CNOT6L: variants seen among roughly 807,000 people sequenced by gnomAD.
CNOT6L encodes CCR4-NOT transcription complex subunit 6 like.
Under a neutral mutation model 64.0 loss-of-function variants are expected in CNOT6L, and 7 were observed. The observed-to-expected ratio is 0.11, with a 90% confidence interval of 0.06 to 0.21. The LOEUF is 0.21. Among genes scored for constraint, CNOT6L ranks in the 10% least tolerant of loss-of-function variants. The pLI is 1.00. For synonymous variants in CNOT6L, 193 were observed against 243.4 expected, an observed-to-expected ratio of 0.79 and a Z score of 1.93; for missense variants, 245 against 669.0, an observed-to-expected ratio of 0.37 and a Z score of 6.99.
intron 1 of CNOT6L, among the ~76,000 whole-genome samples, chr4:77,807,276 C>CAAAAAAAAAAAAAAAAAAAAAAAAA (rs58452605): frequency 1.5e-4 from 16 of 108,176 alleles, no homozygotes; most frequent in African/African-American, 7.1e-4. Context: ...GACTCCATCT[C>CAAAAAAAAAAAAAAAAAAAAAAAAA]AAAAAAAAAA....
intron 4 of CNOT6L, among the ~76,000 whole-genome samples, chr4:77,771,088 G>T (rs1053151305): frequency 6.6e-5 from 10 of 152,202 alleles, no homozygotes; most frequent in African/African-American, 2.4e-4. Context: ...GAGAGGCTGA[G>T]GTGGGCGGAT....
Position 77,720,763 on chromosome 4 carries a change from T to G in CNOT6L, c.1456-120A>C, listed in dbSNP as rs973520597. ...CTTCTGGTACCTGTTGTCTTGATAG[T>G]GGGTCAAATAAGGCTCAAATATTCA... On this transcript the variant is annotated intron_variant, in intron 11 of 11. Transcript: ENST00000504123. The G allele has an allele frequency of 3.2e-6, 3 of 945,794 alleles. No homozygotes were observed. In the African/African-American group the frequency reaches 5.0e-5, roughly 16 times the overall value. The allele number at this position is 945,794 out of a possible 1,614,324, so 58.6% of individuals were successfully genotyped here.
chr4:77,753,445 C>G (rs928851725), intron 5 of CNOT6L, among the ~76,000 whole-genome samples: 1 of 152,020 alleles, frequency 6.6e-6, no homozygotes, highest in Non-Finnish European at 1.5e-5. Flanking sequence ...CCAAGGTGAG[C>G]TGATTGCTTG....
chr4:77,752,920 T>G (rs1243563305), intron 5 of CNOT6L, among the ~76,000 whole-genome samples: 1 of 151,806 alleles, frequency 6.6e-6, no homozygotes, highest in African/African-American at 2.4e-5. Context: ...GTTCTTCTTT[T>G]CAAAGAAAAT....
intron 1 of CNOT6L, among the ~76,000 whole-genome samples, chr4:77,816,053 G>T (rs1733536084): frequency 6.6e-6 from 1 of 152,084 alleles, no homozygotes; most frequent in South Asian, 2.1e-4. Flanking sequence ...ATTAATAACA[G>T]ATATTTTGGA....
intron 6 of CNOT6L, among the ~76,000 whole-genome samples, chr4:77,746,001 T>G (rs1307476694): frequency 6.6e-6 from 1 of 152,206 alleles, no homozygotes; most frequent in Non-Finnish European, 1.5e-5. Flanking sequence ...TTTTGTACTT[T>G]CTGAGTATTT....
At chr4:77,762,914 C>A (rs1726400931) in intron 4 of CNOT6L, among the ~76,000 whole-genome samples, 1 of 151,950 alleles carries the variant, frequency 6.6e-6, no homozygotes, top group Non-Finnish European at 1.5e-5. Flanking sequence ...AACTATACAC[C>A]AAAGAGGTAA....
chr4:77,783,691 T>G (rs1200299297), intron 1 of CNOT6L, among the ~76,000 whole-genome samples: 1 of 152,114 alleles, frequency 6.6e-6, no homozygotes, highest in Non-Finnish European at 1.5e-5. Context: ...GGACTGAAGA[T>G]AATAAGTTAA....
intron 9 of CNOT6L, among the ~76,000 whole-genome samples, chr4:77,731,141 A>G (rs537784829): frequency 1.3e-5 from 2 of 152,252 alleles, no homozygotes; most frequent in African/African-American, 2.4e-5. Flanking sequence ...GATTAATGGC[A>G]TATTAAAAAA....
Position 77,776,340 on chromosome 4 carries a change from A to C in CNOT6L, c.58T>G (p.Tyr20Asp). 1 of 1,611,806 alleles carries C rather than the reference A, an allele frequency of 6.2e-7. No individual in the cohort carries two copies. Among genetic ancestry groups the C allele is most frequent in the Non-Finnish European group, 8.5e-7 (1 of 1,178,714 alleles). Residue 20 changes from tyrosine (Y) to aspartate (D), a missense_variant, in exon 2 of 12, where the codon TAT (tyrosine) becomes GAT (aspartate). Tyr to Asp is a radical substitution (Grantham distance 160). Around this residue, in one of 10 missense-constraint regions of CNOT6L, gnomAD observed 78 missense variants for 137.6 expected, o/e 0.57. Coordinates refer to ENST00000504123, the MANE Select transcript of CNOT6L (RefSeq NM_144571.3). ...ACCTCCTCTGCTGACATGATGGTATAAATTCTGCGAGGATCTGGAGGATCA... is the reference window on the plus strand; with the variant it reads ...ACCTCCTCTGCTGACATGATGGTATCAATTCTGCGAGGATCTGGAGGATCA... The part of the protein sequence containing the change: ...KYDPPDPRRI[Y>D]TIMSAEEVAN...
Position 77,744,889 on chromosome 4 carries a change from G to GA in CNOT6L, c.560-15dup, listed in dbSNP as rs755219990. ...CCGTGAATGATGCTAAGAAGTGGGA[G>GA]AAAAAACAACAGACAAACGGGAGAA... On this transcript the variant is annotated splice_polypyrimidine_tract_variant and intron_variant, in intron 6 of 11. Coordinates refer to ENST00000504123, the MANE Select transcript of CNOT6L (RefSeq NM_144571.3). 2.2e-4 allele frequency: 343 copies of GA among 1,576,904 alleles called. 1 individual carries two copies. Among genetic ancestry groups the GA allele is most frequent in the Non-Finnish European group, 2.8e-4 (321 of 1,164,882 alleles).
intron 1 of CNOT6L, among the ~76,000 whole-genome samples, chr4:77,792,449 CAGGCAGTG>C (rs1038084374): frequency 1.3e-5 from 2 of 151,954 alleles, no homozygotes; most frequent in African/African-American, 4.8e-5. Flanking sequence ...ATTAATAGGC[CAGGCAGTG>C]GTTCACACCT....
chr4:77,792,702 G>A (rs919476355), intron 1 of CNOT6L, among the ~76,000 whole-genome samples: 1 of 149,274 alleles, frequency 6.7e-6, no homozygotes, highest in Non-Finnish European at 1.5e-5. Flanking sequence ...CTCCAGCCTG[G>A]GTGACAGAGT....
chr4:77,800,354 T>C (rs866841815), intron 1 of CNOT6L, among the ~76,000 whole-genome samples: 12 of 151,890 alleles, frequency 7.9e-5, no homozygotes, highest in Admixed American at 3.3e-4. Flanking sequence ...AAAATTTTTT[T>C]TTTTAAAGTA....
chr4:77,726,088 T>C, intron 11 of CNOT6L, 79 bp downstream of exon 11: 1 of 1,238,812 alleles, frequency 8.1e-7, no homozygotes, highest in Non-Finnish European at 1.2e-6. Context: ...ATACAATTAA[T>C]CATAAAGAAT....
intron 9 of CNOT6L, among the ~76,000 whole-genome samples, chr4:77,730,225 T>C (rs1722294456): frequency 6.6e-6 from 1 of 152,114 alleles, no homozygotes; most frequent in Admixed American, 6.6e-5. Context: ...GAAACTGAAG[T>C]ATCTGTTATA....
intron 6 of CNOT6L, among the ~76,000 whole-genome samples, 162 bp from the exon 7 acceptor site, chr4:77,745,037 C>T (rs373910402): frequency 4.6e-5 from 7 of 152,180 alleles, no homozygotes; most frequent in African/African-American, 1.7e-4. Flanking sequence ...ACTAAAACAT[C>T]ATTGGAGTCT....
chr4:77,774,808 A>T, intron 2 of CNOT6L, 92 bp from the exon 3 acceptor site: 1 of 718,630 alleles, frequency 1.4e-6, no homozygotes, highest in South Asian at 2.5e-5. Context: ...GAGAGGCTGC[A>T]AATACACATG....
intron 4 of CNOT6L, among the ~76,000 whole-genome samples, chr4:77,763,330 T>C (rs1726452608): frequency 6.6e-6 from 1 of 151,960 alleles, no homozygotes; most frequent in African/African-American, 2.4e-5. Flanking sequence ...GAATATATAC[T>C]AGACAAACAT....
Sources: gnomAD v4.1 joint callset for allele counts (sites outside exome capture counted in the v4.1 genomes callset) on GRCh38, gnomAD v4.1.1 for gene constraint, gnomAD v4.1.1 regional missense constraint, MANE v1.5 for transcripts, NCBI Gene and HGNC (gene_info 2026-07-23, HGNC 2026-07-21) for gene names.